Variants in PHC3 observed in about 807,000 individuals in gnomAD.
PHC3 encodes the protein polyhomeotic homolog 3, also known as polyhomeotic-like protein 3.
In PHC3, 13 loss-of-function variants were observed where a neutral mutation model predicts 107.4. That is an observed-to-expected ratio of 0.12 (90% CI 0.08 to 0.19). The LOEUF (loss-of-function observed/expected upper bound fraction) is 0.19. Ranked by LOEUF, PHC3 falls within the 10% of genes least tolerant of loss-of-function variation. PHC3 has a pLI of 1.00. For missense variants in PHC3, 992 were observed against 1,210.9 expected (o/e 0.82, Z 2.68); for synonymous variants, 456 against 427.4 (o/e 1.07, Z -0.83).
In PHC3 at chr3:170,113,502, C is replaced by T. The variant is rs1413959821; in HGVS notation, c.2211G>A (p.Leu737=). ...LEPFPVSRSS[L]LIEQPVKKRP... ...GTTTTTTCACAGGCTGTTCTATTAG[C>T]AAAGAGGAACGACTCACCTTTAAAA... The change falls in exon 11 of 15, where the codon TTG becomes TTA. Residue 737 remains leucine, a synonymous_variant. Transcript: ENST00000495893. The T allele has an allele frequency of 6.2e-7, 1 of 1,602,396 alleles. No individual in the cohort carries two copies. Among genetic ancestry groups the T allele is most frequent in the South Asian group, 1.1e-5 (1 of 88,736 alleles).
rs762608189 is a variant in PHC3 at position 170,128,746 on chromosome 3, G to A, written c.1726C>T (p.Pro576Ser). ...LVQLPFQTLPPPQTVAVNLQV... is the reference protein window; with the variant it reads ...LVQLPFQTLPSPQTVAVNLQV... The stretch of plus-strand genomic sequence containing the variant: ...AGGTTTACCGCAACAGTCTGTGGAG[G>A]AGGAAGAGTCTGAAATGGCAACTGG... Residue 576 changes from proline (P) to serine (S), a missense_variant, in exon 8 of 15, where the codon CCT becomes TCT. By Grantham distance (74) the Pro-to-Ser change is moderately conservative. This residue lies in a region of PHC3 where 543 missense variants were observed against 590.8 expected (regional missense o/e 0.92). Transcript: ENST00000495893. The A allele has an allele frequency of 6.2e-7, 1 of 1,614,016 alleles. No homozygotes were observed. Among genetic ancestry groups the A allele is most frequent in the Non-Finnish European group, 8.5e-7 (1 of 1,179,888 alleles).
Position 170,097,547 on chromosome 3 carries a change from T to A in PHC3, c.2834-163A>T, listed in dbSNP as rs552869175. Reference sequence around the variant, plus strand: ...TAGTCTTGAGTTCACTCTTGAAGAATAGAGTATTTGCATTCTGAAAATAAG... The same window carrying A: ...TAGTCTTGAGTTCACTCTTGAAGAAAAGAGTATTTGCATTCTGAAAATAAG... On this transcript the variant is annotated intron_variant, in intron 14 of 14. Transcript: ENST00000495893. This position sits in a 1 kb window ranked among gnomAD's most constrained non-coding sequence, Gnocchi z 4.1. Among the ~76,000 whole-genome samples the A allele has an allele frequency of 1.3e-5, 2 of 152,176 alleles. No homozygotes were observed. The highest frequency in any genetic ancestry group is 2.4e-5 in the African/African-American group (1 of 41,444).
intron 4 of PHC3, among the ~76,000 whole-genome samples, chr3:170,168,846 G>A (rs1729151016): frequency 6.6e-6 from 1 of 151,558 alleles, no homozygotes; most frequent in Non-Finnish European, 1.5e-5. Flanking sequence ...AAGAATGCAG[G>A]TACCCACTCG....
intron 6 of PHC3, among the ~76,000 whole-genome samples, chr3:170,144,867 A>T (rs1560090450): frequency 6.6e-6 from 1 of 152,048 alleles, no homozygotes; most frequent in Non-Finnish European, 1.5e-5. Context: ...CACCACACTT[A>T]AACAATTTTT....
At chr3:170,171,475 A>G in intron 3 of PHC3, 25 bp from the exon 4 acceptor site, 1 of 1,514,794 alleles carries the variant, frequency 6.6e-7, no homozygotes, top group Non-Finnish European at 8.9e-7. Context: ...CTTTTAGAAT[A>G]TGTCGGTAAA....
chr3:170,145,519 C>T lies in PHC3; in HGVS notation c.576G>A (p.Leu192=). 1 of 1,610,154 alleles carries T rather than the reference C, an allele frequency of 6.2e-7. No individual in the cohort carries two copies. The change falls in exon 6 of 15, where the codon CTG becomes CTA. Residue 192 remains leucine, a splice_region_variant and synonymous_variant. Transcript: ENST00000495893. ...QAQMYLRAQM[L]IFTPATTVAA... is the part of the protein sequence containing the mutation. ...CCACAGTGGTAGCGGGTGTGAAAAT[C>T]AGCTGTACAGACAGAAAACCAAAAA...
chr3:170,129,603 T>G, intron 7 of PHC3, 51 bp from the exon 8 acceptor site: 2 of 1,499,934 alleles, frequency 1.3e-6, no homozygotes, highest in Non-Finnish European at 1.8e-6. Context: ...ATACAGAAAT[T>G]TTTAAATCAC....
chr3:170,181,714 ATCT>A lies in PHC3; in HGVS notation c.-2_1del. 1 of 1,612,912 alleles carries A rather than the reference ATCT, an allele frequency of 6.2e-7. No individual in the cohort carries two copies. Among genetic ancestry groups the A allele is most frequent in the Non-Finnish European group, 8.5e-7 (1 of 1,179,786 alleles). ...TCTAGTCACTCACTCCGCTTCCGCC[ATCT>A]TCTCTCCTCCATCACTAACATGGGC... On this transcript the variant is annotated start_lost and start_retained_variant and 5_prime_UTR_variant, in exon 1 of 15. Transcript: ENST00000495893.
chr3:170,178,488 T>C (rs558861991), intron 2 of PHC3, among the ~76,000 whole-genome samples: 1 of 152,230 alleles, frequency 6.6e-6, no homozygotes, highest in Non-Finnish European at 1.5e-5. Context: ...TGCTCTCTAG[T>C]CTTCCACCAC....
At chr3:170,152,330 C>T (rs981714948) in intron 4 of PHC3, among the ~76,000 whole-genome samples, 2 of 149,428 alleles carry the variant, frequency 1.3e-5, no homozygotes, top group African/African-American at 2.5e-5. Context: ...ACCACCACGC[C>T]TGGCTAATTT....
chr3:170,103,163 T>C (rs939274262), intron 12 of PHC3, among the ~76,000 whole-genome samples: 3 of 152,186 alleles, frequency 2.0e-5, no homozygotes, highest in Non-Finnish European at 4.4e-5. Context: ...ATACTGGACA[T>C]CTATAACAAG....
intron 6 of PHC3, among the ~76,000 whole-genome samples, chr3:170,141,197 T>G (rs904678371): frequency 6.6e-6 from 1 of 152,210 alleles, no homozygotes; most frequent in African/African-American, 2.4e-5. Flanking sequence ...TGCAGAAATT[T>G]TCCAAAACAG....
At chr3:170,147,581 T>A (rs1236010900) in intron 5 of PHC3, 1 of 152,226 alleles carries the variant, frequency 6.6e-6, no homozygotes, top group Non-Finnish European at 1.5e-5. Context: ...AACAATATAG[T>A]ATAACAGTTA....
Position 170,094,996 on chromosome 3 carries a change from TC to T in PHC3, c.*2233del, listed in dbSNP as rs1714483553. 6.6e-6 allele frequency: 1 copy of T among 152,178 alleles called. No individual in the cohort carries two copies. Among genetic ancestry groups the T allele is most frequent in the African/African-American group, 2.4e-5 (1 of 41,444 alleles). 9.4% of individuals were successfully genotyped at this position (152,178 alleles called of 1,614,324 possible). The stretch of plus-strand genomic sequence containing the variant: ...TAATCATTATTGCTGGAGCAGTCTA[TC>T]CCCATATAATAAATTTTGTATTAAC... On this transcript the variant is annotated 3_prime_UTR_variant, in exon 15 of 15. Transcript: ENST00000495893.
chr3:170,162,988 CT>C (rs1324193012), intron 4 of PHC3, among the ~76,000 whole-genome samples: 4 of 85,840 alleles, frequency 4.7e-5, no homozygotes, highest in African/African-American at 1.2e-4. Context: ...TATTTTTCTC[CT>C]TTTTTATTTC....
At chr3:170,178,617 T>C (rs1236157441) in intron 2 of PHC3, among the ~76,000 whole-genome samples, 156 bp downstream of exon 2, 1 of 152,266 alleles carries the variant, frequency 6.6e-6, no homozygotes, top group Non-Finnish European at 1.5e-5. Context: ...CTTGGTATTC[T>C]GCTATAGCCA....
intron 4 of PHC3, among the ~76,000 whole-genome samples, chr3:170,163,880 A>AGGC: frequency 2.9e-5 from 4 of 137,386 alleles, no homozygotes; most frequent in African/African-American, 8.1e-5. Context: ...AAAAAAAAAA[A>AGGC]AAAAGGCAGG....
chr3:170,135,309 C>A (rs890723301), intron 7 of PHC3, among the ~76,000 whole-genome samples: 1 of 152,090 alleles, frequency 6.6e-6, no homozygotes, highest in Admixed American at 6.6e-5. Flanking sequence ...CACCACCATG[C>A]CCTGCTAATT....
intron 7 of PHC3, 35 bp downstream of exon 7, chr3:170,136,381 GAAT>G (rs749399496): frequency 6.2e-7 from 1 of 1,610,796 alleles, no homozygotes; most frequent in Non-Finnish European, 8.5e-7. Context: ...CTAAGAAAAT[GAAT>G]AATACAACTA....
Sources: allele counts gnomAD v4.1 joint callset (sites outside exome capture counted in the v4.1 genomes callset), GRCh38; gene constraint gnomAD v4.1.1; regional missense constraint gnomAD v4.1.1; non-coding constraint Gnocchi (gnomAD v3.1); transcripts MANE v1.5; gene names NCBI Gene and HGNC (gene_info 2026-07-23, HGNC 2026-07-21).